The following RIMS3 variants were observed in gnomAD, a reference collection of about 807,000 sequenced individuals.
RIMS3 encodes regulating synaptic membrane exocytosis protein 3.
Under a neutral mutation model 29.2 loss-of-function variants are expected in RIMS3, and 15 were observed. The observed-to-expected ratio is 0.51, with a 90% CI of 0.34 to 0.79. The LOEUF (loss-of-function observed/expected upper bound fraction) is 0.79, where lower values mean the gene tolerates loss of function less well. RIMS3 is among the 30% of genes least tolerant of loss of function. RIMS3 has a pLI of 0.01. For synonymous variants in RIMS3, 161 were observed against 170.1 expected (o/e 0.95, Z 0.41); for missense variants, 342 against 421.4 (o/e 0.81, Z 1.65).
chr1:40,626,898 C>T (rs560488842), intron 7 of RIMS3, among the ~76,000 whole-genome samples, 169 bp from the exon 8 acceptor site: 4 of 152,286 alleles, frequency 2.6e-5, no homozygotes, highest in South Asian at 4.2e-4. Context: ...GTGTTAGATA[C>T]GATCCTATGG....
At chr1:40,678,527 G>T in the RIMS3 span, among the ~76,000 whole-genome samples, 1 of 152,214 alleles carries the variant, frequency 6.6e-6, no homozygotes, top group South Asian at 2.1e-4. Context: ...TGCCAACTGT[G>T]CTCATTGCTG....
chr1:40,626,464 G>C lies in RIMS3; in HGVS notation c.*53C>G. 1 of 1,470,366 alleles carries C rather than the reference G, an allele frequency of 6.8e-7. No individual in the cohort carries two copies. Among genetic ancestry groups the C allele is most frequent in the Non-Finnish European group, 9.3e-7 (1 of 1,072,176 alleles). 91.1% of individuals were successfully genotyped at this position (1,470,366 alleles called of 1,614,324 possible). A position where few individuals can be genotyped will look rare whatever the true frequency, so the allele number is the denominator to read the frequency against. Reference sequence around the variant, plus strand: ...AAGACTATGTACAGGGGAGGACATGGGGCCAGCAGGCACCCCTCCCCACAC... The same window carrying C: ...AAGACTATGTACAGGGGAGGACATGCGGCCAGCAGGCACCCCTCCCCACAC... On this transcript the variant is annotated 3_prime_UTR_variant, in exon 8 of 8. Transcript: ENST00000372684.
intron 1 of RIMS3, among the ~76,000 whole-genome samples, chr1:40,659,131 C>T (rs995803677): frequency 3.3e-5 from 5 of 152,106 alleles, no homozygotes; most frequent in Admixed American, 6.5e-5. Context: ...GCAGCTGAGC[C>T]GATTTTGAAG....
intron 6 of RIMS3, 146 bp downstream of exon 6, chr1:40,629,125 C>T (rs1570170007): frequency 2.9e-6 from 3 of 1,039,392 alleles, no homozygotes; most frequent in East Asian, 4.9e-5. Context: ...TCCCTTACTC[C>T]CCCACCTAGT....
At chr1:40,651,337 C>T (rs753969260) in intron 1 of RIMS3, among the ~76,000 whole-genome samples, 3 of 152,178 alleles carry the variant, frequency 2.0e-5, no homozygotes, top group South Asian at 2.1e-4. Context: ...GGGAGTGACG[C>T]GTCAATGCGC....
chr1:40,680,318 CAA>C, the RIMS3 span, among the ~76,000 whole-genome samples: 8 of 147,038 alleles, frequency 5.4e-5, no homozygotes, highest in South Asian at 2.1e-4. Flanking sequence ...ACTGTACTCT[CAA>C]GAGTAAATAG....
chr1:40,660,076 G>T (rs781359149), intron 1 of RIMS3, among the ~76,000 whole-genome samples: 3 of 152,214 alleles, frequency 2.0e-5, no homozygotes, highest in African/African-American at 4.8e-5. Flanking sequence ...TGGCCTGGAG[G>T]GGGTGGTGGG....
chr1:40,626,638 G>A lies in RIMS3; in HGVS notation c.806C>T (p.Ala269Val), dbSNP rs368947805. 104 of 1,614,090 alleles carry A rather than the reference G, an allele frequency of 6.4e-5. No individual in the cohort carries two copies. The South Asian group carries it at 8.9e-4, about 14-fold the overall frequency. ...GAAGAGTTTGTACCAGCCGGTGACC[G>A]CGGCGCTGAGGTCCAGCTCGTCCAG... ...IMLDELDLSA[A>V]VTGWYKLFPT... Residue 269 changes from alanine (A) to valine (V), a missense_variant, in exon 8 of 8, where the codon GCG becomes GTG. Ala to Val is a moderately conservative substitution (Grantham distance 64, BLOSUM62 0). Coordinates refer to ENST00000372684, the MANE Select transcript of RIMS3 (RefSeq NM_014747.3).
intron 1 of RIMS3, among the ~76,000 whole-genome samples, chr1:40,652,792 G>T (rs1642201239): frequency 6.6e-6 from 1 of 152,210 alleles, no homozygotes; most frequent in African/African-American, 2.4e-5. Flanking sequence ...ATCAATCTGA[G>T]ACTGAGTGCA....
intron 1 of RIMS3, among the ~76,000 whole-genome samples, chr1:40,661,738 G>A (rs758788100): frequency 1.1e-4 from 16 of 152,252 alleles, no homozygotes; most frequent in Non-Finnish European, 1.9e-4. Flanking sequence ...TGAGGACACA[G>A]AAGTTCAGAG....
chr1:40,628,656 A>G (rs1316614560), intron 7 of RIMS3, among the ~76,000 whole-genome samples, 154 bp downstream of exon 7: 1 of 152,262 alleles, frequency 6.6e-6, no homozygotes, highest in Admixed American at 6.5e-5. Context: ...AACTGGGGAC[A>G]GTAATACCTC....
the RIMS3 span, among the ~76,000 whole-genome samples, chr1:40,681,343 G>A: frequency 1.3e-5 from 2 of 152,130 alleles, no homozygotes; most frequent in Non-Finnish European, 2.9e-5. Context: ...CGAAACTGAT[G>A]TGATTGAATA....
the RIMS3 span, among the ~76,000 whole-genome samples, chr1:40,684,098 C>T: frequency 6.6e-6 from 1 of 152,188 alleles, no homozygotes; most frequent in African/African-American, 2.4e-5. Flanking sequence ...GAAATTGAGC[C>T]TAAGAATCTA....
At chr1:40,656,982 G>A (rs1017595100) in intron 1 of RIMS3, among the ~76,000 whole-genome samples, 11 of 152,234 alleles carry the variant, frequency 7.2e-5, no homozygotes, top group South Asian at 2.1e-4. Flanking sequence ...GCAGGAGTTC[G>A]GGCACAGTGC....
chr1:40,691,681 G>A, the RIMS3 span: 1 of 450,214 alleles, frequency 2.2e-6, no homozygotes, highest in South Asian at 1.6e-5. Flanking sequence ...CCAAGGGAGG[G>A]GGAAGGGAAA....
At chr1:40,685,694 G>A in the RIMS3 span, among the ~76,000 whole-genome samples, 4 of 152,112 alleles carry the variant, frequency 2.6e-5, no homozygotes, top group Non-Finnish European at 5.9e-5. Flanking sequence ...GGATTTCAAA[G>A]CTCAGGATGG....
At position 40,663,939 on chromosome 1, in the gene RIMS3, A is replaced by G. The variant is rs997872143; in HGVS notation, c.-207+1455T>C. ...ACCATTTCACTCACTCCTTCCTGCT[A>G]CCCACATAGCAGCTGGGTTTGTTTT... On this transcript the variant is annotated intron_variant, in intron 1 of 7. Transcript: ENST00000372684. Among the ~76,000 whole-genome samples the G allele has an allele frequency of 2.0e-5, 3 of 152,174 alleles. No individual in the cohort carries two copies. The South Asian group carries it at 6.2e-4, about 31-fold the overall frequency.
chr1:40,628,732 G>GA (rs1219905108), intron 7 of RIMS3, 78 bp downstream of exon 7: 54 of 1,583,962 alleles, frequency 3.4e-5, no homozygotes, highest in Non-Finnish European at 4.5e-5. Context: ...GGCACAGGAT[G>GA]AATCATAAAT....
chr1:40,645,735 G>A (rs901486827), intron 2 of RIMS3, among the ~76,000 whole-genome samples: 1 of 152,098 alleles, frequency 6.6e-6, no homozygotes, highest in African/African-American at 2.4e-5. Flanking sequence ...AAGGGAAGGG[G>A]GTAAGGGACA....
Sources: allele counts gnomAD v4.1 joint callset (sites outside exome capture counted in the v4.1 genomes callset), GRCh38; gene constraint gnomAD v4.1.1; transcripts MANE v1.5; gene names NCBI Gene and HGNC (gene_info 2026-07-23, HGNC 2026-07-21).